ESRRA: variants seen among roughly 807,000 people sequenced by gnomAD.
ESRRA encodes steroid hormone receptor ERR1.
Under a neutral mutation model 35.6 loss-of-function variants are expected in ESRRA, and 7 were observed. The observed-to-expected ratio is 0.20, with a 90% CI of 0.11 to 0.37. The LOEUF (loss-of-function observed/expected upper bound fraction) is 0.37. ESRRA is among the 10% of genes least tolerant of loss of function. The pLI, the probability that ESRRA is intolerant of heterozygous loss-of-function variation, is 1.00. For missense variants in ESRRA, 378 were observed against 561.7 expected, an observed-to-expected ratio of 0.67 and a Z score of 3.31; for synonymous variants, 223 against 246.9, an observed-to-expected ratio of 0.90 and a Z score of 0.91.
At chr11:64,314,417 G>A in intron 4 of ESRRA, 50 bp downstream of exon 4, 1 of 1,486,284 alleles carries the variant, frequency 6.7e-7, no homozygotes, top group South Asian at 1.3e-5. Flanking sequence ...GCCTATGTGT[G>A]GCATCATAGT....
In ESRRA at chr11:64,315,183, C is replaced by T. The variant is rs41294416; in HGVS notation, c.925C>T (p.Leu309=). The T allele has an allele frequency of 1.9e-6, 3 of 1,612,800 alleles. No homozygotes were observed. Among genetic ancestry groups the T allele is most frequent in the Admixed American group, 3.3e-5 (2 of 59,952 alleles). ...TGGCCTGGGGGAACTGGGGGCTGCC[C>T]TGCTGCAACTAGTGCGGCGGCTGCA... ...AAGLGELGAA[L]LQLVRRLQAL... Residue 309 remains leucine, a synonymous_variant, in exon 6 of 7, where the codon CTG becomes TTG. Transcript: ENST00000000442.
At position 64,311,982 on chromosome 11, in the gene ESRRA, C is replaced by CTTTTTTTTTTTTTT. The variant is rs544336819; in HGVS notation, c.326-1956_326-1955insTTTTTTTTTTTTTT. On this transcript the variant is annotated intron_variant, in intron 2 of 6. Coordinates refer to ENST00000000442, the MANE Select transcript of ESRRA (RefSeq NM_004451.5). ...ATAGGCGTGAGCCACTGCGCCTGGC[C>CTTTTTTTTTTTTTT]TTTTTTTTTTTTTGGTACAGAGTTT... 3.3e-3 allele frequency among the ~76,000 whole-genome samples: 224 copies of CTTTTTTTTTTTTTT among 68,378 alleles called. 58 individuals are homozygous for CTTTTTTTTTTTTTT. Among genetic ancestry groups the CTTTTTTTTTTTTTT allele is most frequent in the South Asian group, 3.6e-3 (7 of 1,932 alleles). The allele number at this position is 68,378 out of a possible 152,430, so 44.9% of individuals were successfully genotyped here.
intron 2 of ESRRA, among the ~76,000 whole-genome samples, chr11:64,311,447 G>A (rs1165641929): frequency 2.0e-5 from 3 of 147,160 alleles, no homozygotes; most frequent in Admixed American, 6.9e-5. Flanking sequence ...ACGGAGTCTC[G>A]CTTTGTTGCC....
chr11:64,315,896 G>A lies in ESRRA; in HGVS notation c.1202G>A (p.Gly401Glu). 6.2e-7 allele frequency: 1 copy of A among 1,606,506 alleles called. No individual in the cohort carries two copies. The highest frequency in any genetic ancestry group is 8.5e-7 in the Non-Finnish European group (1 of 1,175,690). Residue 401 changes from glycine (G) to glutamate (E), a missense_variant, in exon 7 of 7, where the codon GGG becomes GAG. Physicochemically the swap from Gly to Glu is moderately conservative, Grantham distance 98 (BLOSUM62 -2). This residue lies in a region of ESRRA where 284 missense variants were observed against 411.7 expected (regional missense o/e 0.69). Coordinates refer to ENST00000000442, the MANE Select transcript of ESRRA (RefSeq NM_004451.5). The part of the protein sequence containing the change: ...TAGKVLAHFY[G>E]VKLEGKVPMH... ...GGCAAAGTGCTGGCCCATTTCTATG[G>A]GGTGAAGCTGGAGGGCAAGGTGCCC...
At chr11:64,309,264 C>G (rs578126656) in intron 2 of ESRRA, among the ~76,000 whole-genome samples, 159 of 151,812 alleles carry the variant, frequency 1.0e-3, no homozygotes, top group Non-Finnish European at 2.1e-3. Flanking sequence ...AAAACCCCGT[C>G]TCTACTAAAA....
chr11:64,310,589 A>G (rs1591241921), intron 2 of ESRRA, among the ~76,000 whole-genome samples: 1 of 114,812 alleles, frequency 8.7e-6, no homozygotes, highest in South Asian at 2.9e-4. Context: ...CTTGTTGTCC[A>G]GGCTGGAGTG....
chr11:64,315,978 G>A lies in ESRRA; in HGVS notation c.*12G>A. ...CCATGATGGACTGAGGCAAGGGGTG[G>A]GACTGGTGGGGGTTCTGGCAGGACC... is the stretch of plus-strand genomic sequence containing the variant. On this transcript the variant is annotated 3_prime_UTR_variant, in exon 7 of 7. Transcript: ENST00000000442. 6.5e-7 allele frequency: 1 copy of A among 1,548,934 alleles called. No individual in the cohort carries two copies. The highest frequency in any genetic ancestry group is 8.7e-7 in the Non-Finnish European group (1 of 1,143,026).
At chr11:64,314,600 G>C (rs140480215) in intron 4 of ESRRA, 141 bp from the exon 5 acceptor site, 7 of 952,922 alleles carry the variant, frequency 7.3e-6, no homozygotes, top group Non-Finnish European at 9.2e-6. Flanking sequence ...CTGGGAGACA[G>C]TTAGCGCTCT....
At chr11:64,312,392 G>A (rs535299311) in intron 2 of ESRRA, among the ~76,000 whole-genome samples, 7 of 152,208 alleles carry the variant, frequency 4.6e-5, no homozygotes, top group Non-Finnish European at 7.4e-5. Flanking sequence ...CACCCACCTC[G>A]GTCTCCCAAA....
chr11:64,313,785 G>A lies in ESRRA; in HGVS notation c.326-166G>A, dbSNP rs1432692834. On this transcript the variant is annotated intron_variant, in intron 2 of 6. Coordinates refer to ENST00000000442, the MANE Select transcript of ESRRA (RefSeq NM_004451.5). The surrounding 1 kb of genome is among the most constrained non-coding windows in gnomAD (Gnocchi z 4.0). ...TCCCTCATCCAGGCAGGGCTCCCCC[G>A]CCCAGCAGCCACTCCCCTCCCTGCC... is the stretch of plus-strand genomic sequence containing the variant. The A allele has an allele frequency of 1.1e-5, 6 of 557,908 alleles. No individual in the cohort carries two copies. Among genetic ancestry groups the A allele is most frequent in the South Asian group, 4.7e-5 (2 of 42,240 alleles). The allele number at this position is 557,908 out of a possible 1,614,324, so 34.6% of individuals were successfully genotyped here.
chr11:64,316,173 G>C lies in ESRRA; in HGVS notation c.*207G>C. The C allele has an allele frequency of 3.3e-6, 2 of 604,544 alleles. No homozygotes were observed. Among genetic ancestry groups the C allele is most frequent in the Non-Finnish European group, 5.7e-6 (2 of 349,990 alleles). 37.4% of individuals were successfully genotyped at this position (604,544 alleles called of 1,614,324 possible). ...AGCTGGGAACGTGTGTCCAGGCTCT[G>C]GGCACAGTGCTGCCCCTTGCAAGCC... On this transcript the variant is annotated 3_prime_UTR_variant, in exon 7 of 7. Transcript: ENST00000000442.
intron 2 of ESRRA, among the ~76,000 whole-genome samples, chr11:64,309,437 A>AG (rs1301068817): frequency 2.0e-5 from 3 of 150,994 alleles, no homozygotes; most frequent in African/African-American, 7.3e-5. Context: ...CTCATCTCAA[A>AG]AAAAAAAAAA....
chr11:64,315,293 C>T (rs778910726), intron 6 of ESRRA, 23 bp downstream of exon 6: 2 of 1,532,562 alleles, frequency 1.3e-6, no homozygotes, highest in Non-Finnish European at 1.8e-6. Context: ...CAGGCACTGA[C>T]AGGTGAGGTG....
chr11:64,311,734 C>T (rs2035143626), intron 2 of ESRRA, among the ~76,000 whole-genome samples: 1 of 149,152 alleles, frequency 6.7e-6, no homozygotes, highest in Admixed American at 6.7e-5. Context: ...CACTCTGTTG[C>T]CAGGCTATAG....
chr11:64,311,416 CTTTT>C (rs5792321), intron 2 of ESRRA, among the ~76,000 whole-genome samples: 5 of 125,670 alleles, frequency 4.0e-5, no homozygotes, highest in Non-Finnish European at 3.4e-5. Flanking sequence ...GAGGGCTTGT[CTTTT>C]TTTTTTTTTT....
intron 2 of ESRRA, among the ~76,000 whole-genome samples, chr11:64,311,439 G>T (rs1377393847): frequency 6.6e-6 from 1 of 150,606 alleles, no homozygotes; most frequent in African/African-American, 2.4e-5. Context: ...TTTTTGAGAC[G>T]GAGTCTCGCT....
In ESRRA at chr11:64,313,512, G is replaced by A. The variant is rs1052310389; in HGVS notation, c.326-439G>A. On this transcript the variant is annotated intron_variant, in intron 2 of 6. Coordinates refer to ENST00000000442, the MANE Select transcript of ESRRA (RefSeq NM_004451.5). This position sits in a 1 kb window ranked among gnomAD's most constrained non-coding sequence, Gnocchi z 4.0. ...GAAACCACAAAGTGGCTGGTGCGGT[G>A]GGAGGAAAACCAGAGTGTATGCTGT... Among the ~76,000 whole-genome samples the A allele has an allele frequency of 3.3e-5, 5 of 152,294 alleles. No individual in the cohort carries two copies. The East Asian group carries it at 5.8e-4, about 18-fold the overall frequency.
chr11:64,316,306 A>G lies in ESRRA; in HGVS notation c.*340A>G. Reference sequence around the variant, plus strand: ...AGGGAGGGAAGGGGATGGAGGCCAGAGTCTCCCAGTGGGTGATGCTTTTGC... The same window carrying G: ...AGGGAGGGAAGGGGATGGAGGCCAGGGTCTCCCAGTGGGTGATGCTTTTGC... On this transcript the variant is annotated 3_prime_UTR_variant, in exon 7 of 7. Transcript: ENST00000000442. 3.7e-6 allele frequency: 1 copy of G among 271,394 alleles called. No individual in the cohort carries two copies. Among genetic ancestry groups the G allele is most frequent in the East Asian group, 6.9e-5 (1 of 14,544 alleles). The allele number at this position is 271,394 out of a possible 1,614,324, so 16.8% of individuals were successfully genotyped here.
In ESRRA at chr11:64,313,847, C is replaced by T. The variant is rs1159393609; in HGVS notation, c.326-104C>T. 1.1e-5 allele frequency: 8 copies of T among 734,568 alleles called. No individual in the cohort carries two copies. Among genetic ancestry groups the T allele is most frequent in the African/African-American group, 7.1e-5 (4 of 56,080 alleles). The allele number at this position is 734,568 out of a possible 1,614,324, so 45.5% of individuals were successfully genotyped here. On this transcript the variant is annotated intron_variant, in intron 2 of 6. Coordinates refer to ENST00000000442, the MANE Select transcript of ESRRA (RefSeq NM_004451.5). This position sits in a 1 kb window ranked among gnomAD's most constrained non-coding sequence, Gnocchi z 4.0. ...CCCTGCTCTCCCTTTCCTCCCCATA[C>T]CCCCAGACCTGTGCTTGCCCGGGGA...
Sources: gnomAD v4.1 joint callset for allele counts (sites outside exome capture counted in the v4.1 genomes callset) on GRCh38, gnomAD v4.1.1 for gene constraint, gnomAD v4.1.1 regional missense constraint, Gnocchi (gnomAD v3.1) non-coding constraint, MANE v1.5 for transcripts, NCBI Gene and HGNC (gene_info 2026-07-23, HGNC 2026-07-21) for gene names.